Variants in TAAR5 observed in about 807,000 individuals in gnomAD.
TAAR5 encodes the protein trace amine associated receptor 5, also known as trace amine-associated receptor 5.
In TAAR5, 27 loss-of-function variants were observed where a neutral mutation model predicts 21.1. The ratio of observed to expected loss-of-function variants is 1.28; its 90% CI spans 0.94 to 1.76. The LOEUF is 1.76. TAAR5 is among the 40% of genes most tolerant of loss of function. TAAR5 has a pLI of 0.00. For synonymous variants in TAAR5, 203 were observed against 167.5 expected, an observed-to-expected ratio of 1.21 and a Z score of -1.64; for missense variants, 495 against 405.6, an observed-to-expected ratio of 1.22 and a Z score of -1.89.
At chr6:132,613,848 G>C in the TAAR5 span, among the ~76,000 whole-genome samples, 1 of 152,118 alleles carries the variant, frequency 6.6e-6, no homozygotes, top group Non-Finnish European at 1.5e-5. Flanking sequence ...TGCTCTACAT[G>C]GCACCAAATA....
chr6:132,600,819 GGGAGGGAAGGAAGGAA>G, the TAAR5 span, among the ~76,000 whole-genome samples: 45 of 75,324 alleles, frequency 6.0e-4, no homozygotes, highest in South Asian at 5.6e-3. Context: ...GAAGGAAGGA[GGGAGGGAAGGAAGGAA>G]GGAGGGAAGG....
the TAAR5 span, among the ~76,000 whole-genome samples, chr6:132,597,732 A>T: frequency 6.6e-6 from 1 of 152,210 alleles, no homozygotes; most frequent in Non-Finnish European, 1.5e-5. Context: ...ACCCATGGAA[A>T]TTATTAGTTA....
At chr6:132,616,244 G>A in the TAAR5 span, among the ~76,000 whole-genome samples, 1 of 152,166 alleles carries the variant, frequency 6.6e-6, no homozygotes, top group Non-Finnish European at 1.5e-5. Flanking sequence ...CAGCCCATCA[G>A]TTATTAATGA....
At chr6:132,604,704 C>T in the TAAR5 span, among the ~76,000 whole-genome samples, 1 of 152,102 alleles carries the variant, frequency 6.6e-6, no homozygotes, top group African/African-American at 2.4e-5. Context: ...AATTTCAAAA[C>T]TTTATCTCAG....
rs1252584405 is a variant in TAAR5 at position 132,589,405 on chromosome 6, G to A, written c.282C>T (p.Arg94=). 1.2e-6 allele frequency: 2 copies of A among 1,613,994 alleles called. No homozygotes were observed. Among genetic ancestry groups the A allele is most frequent in the Admixed American group, 1.7e-5 (1 of 60,008 alleles). Residue 94 remains arginine (R), a synonymous_variant, in exon 1 of 1, where the codon CGC becomes CGT. Coordinates refer to ENST00000258034, the MANE Select transcript of TAAR5 (RefSeq NM_003967.3). ...CGAAGAACCAGCAGCTCTCCACTGA[G>A]CGAATGGTGCTGAGGGGCAGCACCA... The part of the protein sequence containing the change: ...GLLVLPLSTI[R]SVESCWFFGD...
chr6:132,604,515 A>G, the TAAR5 span, among the ~76,000 whole-genome samples: 7,887 of 152,184 alleles, frequency 0.052, 300 homozygotes, highest in African/African-American at 0.11. Flanking sequence ...AATTAAAAAA[A>G]AAATTAGCCA....
At chr6:132,591,822 A>G (rs184101416), upstream of TAAR5, among the ~76,000 whole-genome samples, 1 of 152,358 alleles carries the variant, frequency 6.6e-6, no homozygotes, top group Non-Finnish European at 1.5e-5. Context: ...TATGATCTCT[A>G]TGTCTCAGAT....
chr6:132,599,157 C>T, the TAAR5 span, among the ~76,000 whole-genome samples: 1 of 152,076 alleles, frequency 6.6e-6, no homozygotes, highest in African/African-American at 2.4e-5. Context: ...TTCATCACCA[C>T]CACGGTATTT....
chr6:132,590,580 C>T (rs9493387), upstream of TAAR5, among the ~76,000 whole-genome samples: 28,457 of 152,084 alleles, frequency 0.19, 3,651 homozygotes, highest in South Asian at 0.33. Context: ...CTTCTGTTGG[C>T]CACAATGACA....
At chr6:132,612,953 T>C in the TAAR5 span, among the ~76,000 whole-genome samples, 179 of 152,314 alleles carry the variant, frequency 1.2e-3, 1 homozygote, top group African/African-American at 4.1e-3. Flanking sequence ...TTAAGCAACC[T>C]CACATGGGTC....
At chr6:132,599,583 C>T in the TAAR5 span, among the ~76,000 whole-genome samples, 3 of 152,204 alleles carry the variant, frequency 2.0e-5, no homozygotes, top group South Asian at 6.2e-4. Flanking sequence ...CCTGCATCCG[C>T]CTCCCAAAGG....
At chr6:132,599,884 T>C in the TAAR5 span, among the ~76,000 whole-genome samples, 1 of 152,188 alleles carries the variant, frequency 6.6e-6, no homozygotes, top group Non-Finnish European at 1.5e-5. Context: ...GTCAGGAGAA[T>C]AGAATGGAAA....
the TAAR5 span, among the ~76,000 whole-genome samples, chr6:132,599,453 C>A: frequency 5.3e-5 from 8 of 151,056 alleles, no homozygotes; most frequent in East Asian, 1.6e-3. Context: ...CTCAGCCTCC[C>A]GAGTAGCTGG....
chr6:132,588,875 T>C lies in TAAR5; in HGVS notation c.812A>G (p.Asp271Gly), dbSNP rs748478950. ...GTGAAGGAGGCTGTCGACCATCGTG[T>C]CTATGGTGAAGGGCAGCCAGCACAA... ...YLLCWLPFTI[D>G]TMVDSLLHFI... Residue 271 changes from aspartate to glycine, a missense_variant, in exon 1 of 1, where the codon GAC becomes GGC. Asp to Gly is a moderately conservative substitution (Grantham distance 94). Transcript: ENST00000258034. The C allele has an allele frequency of 1.2e-6, 2 of 1,614,024 alleles. No individual in the cohort carries two copies. Among genetic ancestry groups the C allele is most frequent in the Middle Eastern group, 1.6e-4 (1 of 6,062 alleles).
the TAAR5 span, among the ~76,000 whole-genome samples, chr6:132,615,400 T>G: frequency 6.6e-6 from 1 of 152,188 alleles, no homozygotes; most frequent in Non-Finnish European, 1.5e-5. Context: ...GAATTTTTAT[T>G]TTTACTTCAG....
At chr6:132,599,895 A>C in the TAAR5 span, among the ~76,000 whole-genome samples, 2 of 152,186 alleles carry the variant, frequency 1.3e-5, no homozygotes, top group Non-Finnish European at 2.9e-5. Flanking sequence ...AGAATGGAAA[A>C]TTTTTATTTC....
At chr6:132,611,234 G>A in the TAAR5 span, among the ~76,000 whole-genome samples, 1 of 150,474 alleles carries the variant, frequency 6.6e-6, no homozygotes, top group Non-Finnish European at 1.5e-5. Flanking sequence ...AAAAAGCATT[G>A]AACTCATGGA....
At chr6:132,608,466 A>C in the TAAR5 span, 1 of 455,202 alleles carries the variant, frequency 2.2e-6, no homozygotes, top group African/African-American at 2.0e-5. Context: ...CAAGAAAACA[A>C]GGCAACCAGC....
the TAAR5 span, among the ~76,000 whole-genome samples, chr6:132,601,103 G>GA: frequency 3.7e-5 from 3 of 80,926 alleles, no homozygotes; most frequent in African/African-American, 8.7e-5. Context: ...GAGGGAAGGA[G>GA]GGAAGAAGGG....
Sources: gnomAD v4.1 joint callset for allele counts (sites outside exome capture counted in the v4.1 genomes callset) on GRCh38, gnomAD v4.1.1 for gene constraint, MANE v1.5 for transcripts, NCBI Gene and HGNC (gene_info 2026-07-23, HGNC 2026-07-21) for gene names.